TBRG1: variants seen among roughly 807,000 people sequenced by gnomAD.
TBRG1 encodes nuclear interactor of ARF and MDM2.
In TBRG1, 31 loss-of-function variants were observed where a neutral mutation model predicts 44.0. The ratio of observed to expected loss-of-function variants is 0.70; its 90% CI spans 0.53 to 0.95. TBRG1 has a LOEUF of 0.95. TBRG1 is among the 40% of genes least tolerant of loss of function. TBRG1 has a pLI of 0.00. For synonymous variants in TBRG1, 171 were observed against 188.1 expected (o/e 0.91, Z 0.74); for missense variants, 487 against 496.1 (o/e 0.98, Z 0.18).
chr11:124,627,121 C>A (rs1035172968), intron 5 of TBRG1, 71 bp downstream of exon 5: 12 of 1,066,848 alleles, frequency 1.1e-5, no homozygotes, highest in Non-Finnish European at 1.6e-5. Context: ...ATTACCTGTT[C>A]TGATACCTTA....
rs1408410117 is a variant in TBRG1, at chr11:124,625,836, G to A, written c.387G>A (p.Glu129=). 6.3e-7 allele frequency: 1 copy of A among 1,579,626 alleles called. No individual in the cohort carries two copies. Among genetic ancestry groups the A allele is most frequent in the Non-Finnish European group, 8.6e-7 (1 of 1,164,180 alleles). Residue 129 remains glutamate (E), a synonymous_variant, in exon 3 of 9, where the codon GAG becomes GAA. Transcript: ENST00000441174. ...TTTCAGGGCCCAGCACTGGGGCTGA[G>A]GAACCATTTGGGAAGAAAACTAAGA... is the stretch of plus-strand genomic sequence containing the variant. ...GPISGPSTGA[E]EPFGKKTKKE...
At position 124,630,773 on chromosome 11, in the gene TBRG1, G is replaced by T; in HGVS notation, c.865G>T (p.Ala289Ser). Residue 289 changes from alanine (A) to serine (S), a missense_variant, in exon 7 of 9, where the codon GCT (alanine) becomes TCT (serine). Coordinates refer to ENST00000441174, the MANE Select transcript of TBRG1 (RefSeq NM_032811.3). ...GAAACTAATGCCTAACCTGCTTCCA[G>T]CTGGAGCTGACTTTTTTGGATTTTC... ...MGKLMPNLLP[A>S]GADFFGFSHP... 1 of 1,607,776 alleles carries T rather than the reference G, an allele frequency of 6.2e-7. No homozygotes were observed. The highest frequency in any genetic ancestry group is 8.5e-7 in the Non-Finnish European group (1 of 1,176,992).
At position 124,631,388 on chromosome 11, in the gene TBRG1, A is replaced by G. The variant is rs748376683; in HGVS notation, c.1061A>G (p.Asp354Gly). 8 of 1,613,794 alleles carry G rather than the reference A, an allele frequency of 5.0e-6. No individual in the cohort carries two copies. The East Asian group carries it at 1.8e-4, about 36-fold the overall frequency. Reference protein sequence around the residue: ...SFEAFQRQIFDEDQNDPLLPG... With the variant: ...SFEAFQRQIFGEDQNDPLLPG... ...GAAGCCTTTCAGAGACAGATCTTTG[A>G]TGAAGATCAGAATGATCCCCTTCTG... The change falls in exon 8 of 9, where the codon GAT becomes GGT. Residue 354 changes from aspartate (D) to glycine (G), a missense_variant. By Grantham distance (94) the Asp-to-Gly change is moderately conservative. Transcript: ENST00000441174.
At chr11:124,625,596 CCAGTA>C (rs1942448170) in intron 2 of TBRG1, 70 bp from the exon 3 acceptor site, 1 of 1,355,864 alleles carries the variant, frequency 7.4e-7, no homozygotes, top group Non-Finnish European at 1.0e-6. Context: ...CTGGCTTTTC[CCAGTA>C]CTTGAGTAAA....
Position 124,626,460 on chromosome 11 carries a change from A to G in TBRG1, c.455-13A>G, listed in dbSNP as rs1942471139. 1 of 1,520,790 alleles carries G rather than the reference A, an allele frequency of 6.6e-7. No homozygotes were observed. The highest frequency in any genetic ancestry group is 8.8e-7 in the Non-Finnish European group (1 of 1,131,640). 94.2% of individuals were successfully genotyped at this position (1,520,790 alleles called of 1,614,324 possible). On this transcript the variant is annotated splice_polypyrimidine_tract_variant and intron_variant, in intron 3 of 8. Transcript: ENST00000441174. ...AGGGGCCTAAAGTGGGTGACCCCAG[A>G]TTTGCGTTTCAGTTCTGAAGAAAAC...
At chr11:124,631,547 C>T (rs761712483) in intron 8 of TBRG1, 130 bp downstream of exon 8, 19 of 1,043,156 alleles carry the variant, frequency 1.8e-5, no homozygotes, top group East Asian at 7.1e-5. Flanking sequence ...ATCAGCCTTG[C>T]GGAGTGCTGA....
intron 2 of TBRG1, 39 bp from the exon 3 acceptor site, chr11:124,625,632 G>A (rs117244548): frequency 0.01 from 15,463 of 1,529,470 alleles, 115 homozygotes; most frequent in Non-Finnish European, 0.011. Flanking sequence ...GAGACAATAC[G>A]GAAGTTCATT....
Position 124,625,821 on chromosome 11 carries a change from C to G in TBRG1, c.372C>G (p.Pro124=). 1 of 1,583,566 alleles carries G rather than the reference C, an allele frequency of 6.3e-7. No individual in the cohort carries two copies. ...AGGGAGCTGGGCCTATTTCAGGGCC[C>G]AGCACTGGGGCTGAGGAACCATTTG... is the stretch of plus-strand genomic sequence containing the variant. The part of the protein sequence containing the change: ...TIQGAGPISG[P]STGAEEPFGK... The change falls in exon 3 of 9, where the codon CCC becomes CCG. Residue 124 remains proline, a synonymous_variant. Transcript: ENST00000441174.
chr11:124,630,525 CT>C (rs765572443), intron 6 of TBRG1, 40 bp downstream of exon 6: 1 of 1,431,076 alleles, frequency 7.0e-7, no homozygotes, highest in Non-Finnish European at 9.9e-7. Flanking sequence ...TAAAAGATCA[CT>C]GTTGGTACAG....
rs370102302 is a variant in TBRG1, at chr11:124,629,355, G to T, written c.739-1033G>T. ...TTCCATCTCAAAAAAAAAAGAAAAA[G>T]AAAAAAGAAAAGAAATTAATTGCTC... On this transcript the variant is annotated intron_variant, in intron 5 of 8. Coordinates refer to ENST00000441174, the MANE Select transcript of TBRG1 (RefSeq NM_032811.3). Among the ~76,000 whole-genome samples, 6 of 151,794 alleles carry T rather than the reference G, an allele frequency of 4.0e-5. No homozygotes were observed. In the South Asian group the frequency reaches 1.2e-3, roughly 32 times the overall value.
intron 7 of TBRG1, 116 bp downstream of exon 7, chr11:124,630,971 C>A: frequency 1.2e-6 from 1 of 808,040 alleles, no homozygotes; most frequent in Non-Finnish European, 2.0e-6. Context: ...TGCTTCTCGA[C>A]CAGTAGGGCT....
intron 1 of TBRG1, 35 bp from the exon 2 acceptor site, chr11:124,624,894 TCA>T (rs1160479424): frequency 3.0e-6 from 4 of 1,342,880 alleles, no homozygotes; most frequent in Admixed American, 4.3e-5. Context: ...ATTTTTTTAT[TCA>T]TTTTATGTTA....
rs766145884 is a variant in TBRG1 at position 124,626,556 on chromosome 11, C to T, written c.538C>T (p.Arg180Trp). Residue 180 changes from arginine (R) to tryptophan (W), a missense_variant, in exon 4 of 9, where the codon CGG becomes TGG. By Grantham distance (101) the Arg-to-Trp change is moderately radical. Transcript: ENST00000441174. ...GCCCATTGCCCTGGATCCCTCAGGA[C>T]GGCCTGTGTTCCCCATCGGACTAGG... ...VQPIALDPSG[R>W]PVFPIGLGGL... 6.9e-5 allele frequency: 107 copies of T among 1,551,462 alleles called. 1 individual carries two copies. Among genetic ancestry groups the T allele is most frequent in the South Asian group, 7.1e-5 (6 of 84,034 alleles).
chr11:124,626,429 A>G, intron 3 of TBRG1, 44 bp from the exon 4 acceptor site: 1 of 1,473,492 alleles, frequency 6.8e-7, no homozygotes, highest in Non-Finnish European at 9.0e-7. Flanking sequence ...TCCCTTCAAC[A>G]TTGGAAGGGG....
chr11:124,623,905 C>T (rs1403821529), intron 1 of TBRG1, among the ~76,000 whole-genome samples: 1 of 152,204 alleles, frequency 6.6e-6, no homozygotes. Context: ...TGCCTCAGTG[C>T]TTGGAAATAG....
rs1015520632 is a variant in TBRG1 at position 124,623,067 on chromosome 11, C to A, written c.-17C>A. 6.5e-6 allele frequency: 10 copies of A among 1,530,166 alleles called. No individual in the cohort carries two copies. The highest frequency in any genetic ancestry group is 8.8e-6 in the Non-Finnish European group (10 of 1,137,794). The allele number at this position is 1,530,166 out of a possible 1,614,324, so 94.8% of individuals were successfully genotyped here. A position where few individuals can be genotyped will look rare whatever the true frequency, so the allele number is the denominator to read the frequency against. On this transcript the variant is annotated 5_prime_UTR_variant, in exon 1 of 9. Coordinates refer to ENST00000441174, the MANE Select transcript of TBRG1 (RefSeq NM_032811.3). ...GATGCCGGCAGCGTCCTGGGGCCCC[C>A]GTAGCGGGGCTGGACCATGAGCCTG...
Position 124,635,553 on chromosome 11 carries a change from A to G in TBRG1, c.*3315A>G, listed in dbSNP as rs1942711547. 1 of 152,170 alleles carries G rather than the reference A, an allele frequency of 6.6e-6. No individual in the cohort carries two copies. Among genetic ancestry groups the G allele is most frequent in the Admixed American group, 6.5e-5 (1 of 15,276 alleles). 9.4% of individuals were successfully genotyped at this position (152,170 alleles called of 1,614,324 possible). On this transcript the variant is annotated 3_prime_UTR_variant, in exon 9 of 9. Coordinates refer to ENST00000441174, the MANE Select transcript of TBRG1 (RefSeq NM_032811.3). ...GGGGGAAACATAGTGAATTCCACAT[A>G]ATGTTTTAAATTATTCAGCCACTAA...
intron 5 of TBRG1, among the ~76,000 whole-genome samples, chr11:124,629,637 A>G (rs1048789514): frequency 1.3e-5 from 2 of 152,246 alleles, no homozygotes; most frequent in African/African-American, 4.8e-5. Flanking sequence ...TTTAGAAATC[A>G]GTAGTGCTCG....
chr11:124,628,110 T>TAC (rs1942522457), intron 5 of TBRG1, among the ~76,000 whole-genome samples: 2 of 53,134 alleles, frequency 3.8e-5, no homozygotes, highest in East Asian at 3.9e-4. Context: ...TATATATATA[T>TAC]ATATATACAC....
Sources: allele counts gnomAD v4.1 joint callset (sites outside exome capture counted in the v4.1 genomes callset), GRCh38; gene constraint gnomAD v4.1.1; transcripts MANE v1.5; gene names NCBI Gene and HGNC (gene_info 2026-07-23, HGNC 2026-07-21).